The following SLC14A2 variants were observed in gnomAD, a reference collection of about 807,000 sequenced individuals.
SLC14A2 encodes solute carrier family 14 member 2, also known as urea transporter 2.
Under a neutral mutation model 104.6 loss-of-function variants are expected in SLC14A2, and 91 were observed. The ratio of observed to expected loss-of-function variants is 0.87; its 90% CI spans 0.73 to 1.04. The LOEUF is 1.04. SLC14A2 is among the 50% of genes least tolerant of loss of function. The pLI is 0.00. For missense variants in SLC14A2, 1,189 were observed against 1,156.0 expected, an observed-to-expected ratio of 1.03 and a Z score of -0.41; for synonymous variants, 476 against 466.4, an observed-to-expected ratio of 1.02 and a Z score of -0.27.
chr18:45,677,137 C>A (rs2046240662), intron 18 of SLC14A2, among the ~76,000 whole-genome samples: 1 of 152,262 alleles, frequency 6.6e-6, no homozygotes, highest in Admixed American at 6.5e-5. Flanking sequence ...TATCCTTCCT[C>A]CTCTCTCCCG....
intron 1 of SLC14A2, among the ~76,000 whole-genome samples, chr18:45,265,524 C>T: frequency 6.6e-6 from 1 of 152,024 alleles, no homozygotes; most frequent in Non-Finnish European, 1.5e-5. Flanking sequence ...TTGTGTCTGC[C>T]CACCCTTTCA....
In SLC14A2 at chr18:45,519,289, G is replaced by A. The variant is rs138744998; in HGVS notation, c.-35+35967G>A. On this transcript the variant is annotated intron_variant, in intron 2 of 20. Transcript: ENST00000586448. ...ATGAAGGCAACAGAAGGCAAGGTGG[G>A]GTGTGGAAGGAAAAAAATATCCCTG... 9.2e-3 allele frequency among the ~76,000 whole-genome samples: 1,407 copies of A among 152,272 alleles called. 19 individuals carry two copies. The highest frequency in any genetic ancestry group is 0.032 in the African/African-American group (1,326 of 41,552).
chr18:45,654,242 AG>A (rs2045792618), intron 10 of SLC14A2, among the ~76,000 whole-genome samples: 2 of 152,134 alleles, frequency 1.3e-5, no homozygotes, highest in East Asian at 3.9e-4. Context: ...CAACAGGTTC[AG>A]GGAACGCAAG....
intron 1 of SLC14A2, among the ~76,000 whole-genome samples, chr18:45,268,614 G>A (rs1362551775): frequency 6.6e-6 from 1 of 152,232 alleles, no homozygotes; most frequent in African/African-American, 2.4e-5. Context: ...TGTGTGGTAT[G>A]TGAGAGATTT....
At chr18:45,232,937 G>A (rs763249509) in intron 1 of SLC14A2, among the ~76,000 whole-genome samples, 3 of 152,172 alleles carry the variant, frequency 2.0e-5, no homozygotes, top group Non-Finnish European at 2.9e-5. Flanking sequence ...GCCATGAGAC[G>A]AGAAGGTATA....
the SLC14A2 span, among the ~76,000 whole-genome samples, chr18:45,198,918 A>T: frequency 4.6e-4 from 70 of 152,216 alleles, no homozygotes; most frequent in African/African-American, 1.6e-3. Context: ...TCATCACAAT[A>T]CCTAGTTTCT....
At position 45,673,777 on chromosome 18, in the gene SLC14A2, C is replaced by T. The variant is rs776126613; in HGVS notation, c.2472C>T (p.Tyr824=). ...GCATAGCGATAGGAGGCATGTTCTA[C>T]GTCATCACCTGGCAGACGCACCTCC... The part of the protein sequence containing the change: ...LACIAIGGMF[Y]VITWQTHLLA... Residue 824 remains tyrosine, a synonymous_variant, in exon 18 of 20, where the codon TAC becomes TAT. Transcript: ENST00000255226. The T allele has an allele frequency of 1.7e-5, 27 of 1,614,090 alleles. No homozygotes were observed. Among genetic ancestry groups the T allele is most frequent in the Non-Finnish European group, 1.9e-5 (23 of 1,180,024 alleles).
chr18:45,316,382 G>A (rs1290091481), intron 1 of SLC14A2, among the ~76,000 whole-genome samples: 2 of 152,194 alleles, frequency 1.3e-5, no homozygotes, highest in African/African-American at 4.8e-5. Flanking sequence ...GAGGAGGTCG[G>A]AGTGTGGGAT....
chr18:45,190,399 C>T, the SLC14A2 span, among the ~76,000 whole-genome samples: 1 of 152,144 alleles, frequency 6.6e-6, no homozygotes, highest in African/African-American at 2.4e-5. Context: ...CTTTAGATTC[C>T]TGGAGTAGAT....
the SLC14A2 span, among the ~76,000 whole-genome samples, chr18:45,177,356 A>G: frequency 6.6e-6 from 1 of 152,092 alleles, no homozygotes; most frequent in Non-Finnish European, 1.5e-5. Flanking sequence ...ACTGCTTAAA[A>G]CCTGGTTAGC....
At chr18:45,238,516 G>T (rs1007030587) in intron 1 of SLC14A2, among the ~76,000 whole-genome samples, 10 of 152,258 alleles carry the variant, frequency 6.6e-5, no homozygotes, top group Non-Finnish European at 1.3e-4. Context: ...GAACAAAAAT[G>T]AGTTAGACAC....
At chr18:45,283,051 T>A (rs956304001) in intron 1 of SLC14A2, among the ~76,000 whole-genome samples, 8 of 152,180 alleles carry the variant, frequency 5.3e-5, no homozygotes, top group African/African-American at 1.9e-4. Context: ...TGCCTCATCC[T>A]TTTCCCTCCT....
chr18:45,657,539 G>T (rs1483441118), intron 10 of SLC14A2, among the ~76,000 whole-genome samples: 1 of 138,762 alleles, frequency 7.2e-6, no homozygotes, highest in African/African-American at 2.7e-5. Flanking sequence ...AGGAAGGAAG[G>T]AAAGAAAAGA....
At chr18:45,390,663 A>T (rs1334974874) in intron 1 of SLC14A2, among the ~76,000 whole-genome samples, 3 of 152,164 alleles carry the variant, frequency 2.0e-5, no homozygotes, top group Non-Finnish European at 4.4e-5. Flanking sequence ...TGAATACGGA[A>T]GGGGTACAAT....
Position 45,567,890 on chromosome 18 carries a change from T to C in SLC14A2, c.-34-56741T>C, listed in dbSNP as rs1050962979. Among the ~76,000 whole-genome samples the C allele has an allele frequency of 4.7e-4, 71 of 152,212 alleles. 1 individual carries two copies. Among genetic ancestry groups the C allele is most frequent in the Admixed American group, 2.5e-3 (38 of 15,300 alleles). On this transcript the variant is annotated intron_variant, in intron 2 of 20. Transcript: ENST00000586448. ...CCCAGGATCTTTCAGGAGAAGATGGTGAAGATGTGCAGAAGGGCAGCCACA... is the reference window on the plus strand; with the variant it reads ...CCCAGGATCTTTCAGGAGAAGATGGCGAAGATGTGCAGAAGGGCAGCCACA...
chr18:45,387,916 C>A (rs557255657), intron 1 of SLC14A2, among the ~76,000 whole-genome samples: 2 of 152,166 alleles, frequency 1.3e-5, no homozygotes, highest in South Asian at 4.2e-4. Flanking sequence ...GTGGGGGAAT[C>A]TCTCATGAGG....
intron 1 of SLC14A2, among the ~76,000 whole-genome samples, chr18:45,328,540 G>C (rs929040389): frequency 6.6e-6 from 1 of 152,184 alleles, no homozygotes; most frequent in African/African-American, 2.4e-5. Context: ...TCCCTCAGGG[G>C]CTGCGTCAAC....
At chr18:45,363,538 T>C (rs1318395095) in intron 1 of SLC14A2, among the ~76,000 whole-genome samples, 5 of 152,070 alleles carry the variant, frequency 3.3e-5, no homozygotes, top group Non-Finnish European at 5.9e-5. Context: ...AGGCTGTGAA[T>C]AGAGATCGGA....
At chr18:45,468,921 T>C (rs1392636299) in intron 1 of SLC14A2, among the ~76,000 whole-genome samples, 1 of 152,168 alleles carries the variant, frequency 6.6e-6, no homozygotes, top group African/African-American at 2.4e-5. Flanking sequence ...GTGTATCTGA[T>C]GAGATAAAGC....
Sources: gnomAD v4.1 joint callset for allele counts (sites outside exome capture counted in the v4.1 genomes callset) on GRCh38, gnomAD v4.1.1 for gene constraint, MANE v1.5 for transcripts, NCBI Gene and HGNC (gene_info 2026-07-23, HGNC 2026-07-21) for gene names.